Variants in RORA observed in about 807,000 individuals in gnomAD.
RORA encodes the protein RAR related orphan receptor A, also known as nuclear receptor ROR-alpha.
In RORA, 7 loss-of-function variants were observed where a neutral mutation model predicts 69.5. The ratio of observed to expected loss-of-function variants is 0.10; its 90% CI spans 0.06 to 0.19. The LOEUF (loss-of-function observed/expected upper bound fraction) is 0.19. Among genes scored for constraint, RORA ranks in the 10% least tolerant of loss-of-function variants. The pLI is 1.00. For synonymous variants in RORA, 261 were observed against 240.8 expected (o/e 1.08, Z -0.78); for missense variants, 457 against 663.0 (o/e 0.69, Z 3.41).
At chr15:60,761,107 G>A (rs1044944047) in intron 1 of RORA, among the ~76,000 whole-genome samples, 4 of 152,066 alleles carry the variant, frequency 2.6e-5, no homozygotes, top group Non-Finnish European at 5.9e-5. Context: ...AGGAGAGGGA[G>A]GAGTTGAATG....
intron 1 of RORA, among the ~76,000 whole-genome samples, chr15:60,709,842 C>T (rs950952704): frequency 1.3e-5 from 2 of 152,028 alleles, no homozygotes; most frequent in Admixed American, 6.5e-5. Flanking sequence ...AAACCATCCC[C>T]CAACACTCCT....
chr15:61,009,070 T>G (rs919953702), intron 1 of RORA, among the ~76,000 whole-genome samples: 9 of 152,136 alleles, frequency 5.9e-5, no homozygotes, highest in African/African-American at 2.2e-4. Context: ...AAGACTGCTG[T>G]GAGTAGCAAA....
intron 1 of RORA, among the ~76,000 whole-genome samples, chr15:60,792,071 A>G (rs979999701): frequency 6.6e-6 from 1 of 152,182 alleles, no homozygotes. Flanking sequence ...TAATAAATGA[A>G]CAGATATGGG....
At chr15:61,080,840 A>G (rs900648162) in intron 1 of RORA, among the ~76,000 whole-genome samples, 3 of 152,208 alleles carry the variant, frequency 2.0e-5, no homozygotes, top group African/African-American at 7.2e-5. Flanking sequence ...AATCATTAGT[A>G]ACAGTATCTT....
At chr15:61,083,585 T>C (rs2061485870) in intron 1 of RORA, among the ~76,000 whole-genome samples, 1 of 152,016 alleles carries the variant, frequency 6.6e-6, no homozygotes, top group African/African-American at 2.4e-5. Flanking sequence ...GAATACACTG[T>C]TGCCGACTCC....
At chr15:61,101,620 G>T (rs867728412) in intron 1 of RORA, among the ~76,000 whole-genome samples, 1 of 151,830 alleles carries the variant, frequency 6.6e-6, no homozygotes, top group South Asian at 2.1e-4. Flanking sequence ...AGAAAATAAC[G>T]TCACACAAGG....
chr15:60,895,137 C>G (rs148268606), intron 1 of RORA, among the ~76,000 whole-genome samples: 1 of 152,226 alleles, frequency 6.6e-6, no homozygotes, highest in Non-Finnish European at 1.5e-5. Flanking sequence ...TCCACAAGCT[C>G]AAGTCAAAGA....
chr15:60,635,066 C>T (rs2140661259), intron 2 of RORA, among the ~76,000 whole-genome samples: 1 of 152,328 alleles, frequency 6.6e-6, no homozygotes, highest in East Asian at 1.9e-4. Context: ...CACGGCCTGC[C>T]CCTCTGCTTC....
chr15:60,713,868 G>A (rs960095991), intron 1 of RORA, among the ~76,000 whole-genome samples: 5 of 152,154 alleles, frequency 3.3e-5, no homozygotes, highest in Admixed American at 6.5e-5. Flanking sequence ...GATCTGCAAC[G>A]CAGAGTAACA....
intron 1 of RORA, among the ~76,000 whole-genome samples, chr15:60,757,629 C>T (rs1040680622): frequency 2.0e-5 from 3 of 152,196 alleles, no homozygotes; most frequent in African/African-American, 7.2e-5. Context: ...CTATCTGACA[C>T]TTTCCTTGTC....
intron 1 of RORA, among the ~76,000 whole-genome samples, chr15:61,199,116 T>A (rs2140924307): frequency 6.6e-6 from 1 of 152,314 alleles, no homozygotes; most frequent in South Asian, 2.1e-4. Context: ...AGTTAGCAAG[T>A]GATGGCCCCA....
At chr15:60,599,143 T>A (rs1454929908) in intron 2 of RORA, among the ~76,000 whole-genome samples, 1 of 152,206 alleles carries the variant, frequency 6.6e-6, no homozygotes, top group Non-Finnish European at 1.5e-5. Flanking sequence ...TCTGAAACTT[T>A]AAGAGAAGGA....
At chr15:60,687,945 T>G (rs902048487) in intron 1 of RORA, among the ~76,000 whole-genome samples, 1 of 152,218 alleles carries the variant, frequency 6.6e-6, no homozygotes, top group African/African-American at 2.4e-5. Context: ...GATCCTCAGT[T>G]TCCTCATCAC....
At chr15:61,207,932 T>C (rs930381688) in intron 1 of RORA, among the ~76,000 whole-genome samples, 5 of 152,276 alleles carry the variant, frequency 3.3e-5, no homozygotes, top group African/African-American at 1.2e-4. Flanking sequence ...TGCTTTCACA[T>C]TACTGATAGT....
At chr15:60,695,918 G>T (rs1227711108) in intron 1 of RORA, among the ~76,000 whole-genome samples, 1 of 152,092 alleles carries the variant, frequency 6.6e-6, no homozygotes, top group Non-Finnish European at 1.5e-5. Context: ...ATCAGCCTCA[G>T]CCGGCAAGTA....
At chr15:60,739,923 C>T (rs1160793034) in intron 1 of RORA, among the ~76,000 whole-genome samples, 1 of 152,142 alleles carries the variant, frequency 6.6e-6, no homozygotes, top group Non-Finnish European at 1.5e-5. Flanking sequence ...AAACACTCAG[C>T]TTGCCCCTGG....
chr15:60,493,675 ATTACT>A lies in RORA; in HGVS notation c.*3775_*3779del, dbSNP rs1013075458. On this transcript the variant is annotated 3_prime_UTR_variant, in exon 11 of 11. Coordinates refer to ENST00000335670, the MANE Select transcript of RORA (RefSeq NM_134261.3). ...TGTATTTTTTTTTTTAGAAAATTAC[ATTACT>A]TTCTTTCTTTGTTTCACATTACAAA... is the stretch of plus-strand genomic sequence containing the variant. 6.6e-6 allele frequency: 1 copy of A among 151,896 alleles called. No individual in the cohort carries two copies. The highest frequency in any genetic ancestry group is 2.4e-5 in the African/African-American group (1 of 41,360). The allele number at this position is 151,896 out of a possible 1,614,324, so 9.4% of individuals were successfully genotyped here. A position where few individuals can be genotyped will look rare whatever the true frequency, so the allele number is the denominator to read the frequency against.
chr15:61,176,089 T>G (rs2079626983), intron 1 of RORA: 1 of 152,172 alleles, frequency 6.6e-6, no homozygotes, highest in Non-Finnish European at 1.5e-5. Context: ...ATGGAGTACA[T>G]AGACATTTAT....
intron 1 of RORA, among the ~76,000 whole-genome samples, chr15:60,817,777 G>A (rs1171430998): frequency 2.0e-5 from 3 of 152,198 alleles, no homozygotes; most frequent in Non-Finnish European, 4.4e-5. Context: ...CAAATCACTT[G>A]GCAGAGAGAA....
Sources: allele counts gnomAD v4.1 joint callset (sites outside exome capture counted in the v4.1 genomes callset), GRCh38; gene constraint gnomAD v4.1.1; transcripts MANE v1.5; gene names NCBI Gene and HGNC (gene_info 2026-07-23, HGNC 2026-07-21).